PGLYRP3: variants seen among roughly 807,000 people sequenced by gnomAD.
The protein encoded by PGLYRP3 is peptidoglycan recognition protein I alpha.
Under a neutral mutation model 36.0 loss-of-function variants are expected in PGLYRP3, and 39 were observed. That is an observed-to-expected ratio of 1.08 (90% CI 0.84 to 1.41). The LOEUF is 1.41. Among genes scored for constraint, PGLYRP3 ranks in the 40% most tolerant of loss-of-function variants. The pLI is 0.00. For missense variants in PGLYRP3, 407 were observed against 427.9 expected (o/e 0.95, Z 0.43); for synonymous variants, 204 against 172.8 (o/e 1.18, Z -1.42).
In PGLYRP3 at chr1:153,302,534, G is replaced by C. The variant is rs768513662; in HGVS notation, c.603C>G (p.Ala201=). 2.0e-5 allele frequency: 32 copies of C among 1,614,194 alleles called. No homozygotes were observed. The South Asian group carries it at 3.4e-4, about 17-fold the overall frequency. The change falls in exon 6 of 8, where the codon GCC becomes GCG. Residue 201 remains alanine (A), a synonymous_variant. Transcript: ENST00000683862. ...ETHCPKMNLP[A]KYVIIIHTAG... ...CGGTGTGGATGATGATGACATATTT[G>C]GCTGGGAGGTTCATTTTAGGGCAGT...
rs1332738413 is a variant in PGLYRP3, at chr1:153,307,181, T to C, written c.142A>G (p.Ile48Val). Residue 48 changes from isoleucine to valine, a missense_variant, in exon 3 of 8, where the codon ATC becomes GTC. Ile to Val is a conservative substitution (Grantham distance 29). Transcript: ENST00000683862. The stretch of plus-strand genomic sequence containing the variant: ...TGCATCCCTGGGAGCTGGTCTGTGA[T>C]GATGTAGGCCACAGGCAGGGTCAGC... ...ALLTLPVAYIITDQLPGMQCQ... is the reference protein window; with the variant it reads ...ALLTLPVAYIVTDQLPGMQCQ... The C allele has an allele frequency of 6.2e-7, 1 of 1,612,232 alleles. No individual in the cohort carries two copies. The highest frequency in any genetic ancestry group is 8.5e-7 in the Non-Finnish European group (1 of 1,179,354).
rs373733234 is a variant in PGLYRP3 at position 153,304,929 on chromosome 1, G to A, written c.376+18C>T. On this transcript the variant is annotated intron_variant, in intron 4 of 7. Transcript: ENST00000683862. ...TACACAACTCTCCAGCACAGGGTCC[G>A]CAGGGAGTGACCCTTACCTATCTTA... 135 of 1,585,318 alleles carry A rather than the reference G, an allele frequency of 8.5e-5. 1 individual carries two copies. The African/African-American group carries it at 1.2e-3, about 14-fold the overall frequency.
At position 153,306,962 on chromosome 1, in the gene PGLYRP3, G is replaced by A. The variant is rs563347579; in HGVS notation, c.257+104C>T. The A allele has an allele frequency of 6.4e-5, 70 of 1,093,950 alleles. No individual in the cohort carries two copies. In the East Asian group the frequency reaches 1.1e-3, roughly 17 times the overall value. 67.8% of individuals were successfully genotyped at this position (1,093,950 alleles called of 1,614,324 possible). A position where few individuals can be genotyped will look rare whatever the true frequency, so the allele number is the denominator to read the frequency against. On this transcript the variant is annotated intron_variant, in intron 3 of 7. Coordinates refer to ENST00000683862, the MANE Select transcript of PGLYRP3 (RefSeq NM_052891.3). ...TTTACCATTTCTATTCATTACAAAA[G>A]CAATGTAAATGAAGCGCAGAAAATA...
Position 153,297,543 on chromosome 1 carries a change from G to A in PGLYRP3, c.*413C>T, listed in dbSNP as rs1395568309. Among the ~76,000 whole-genome samples the A allele has an allele frequency of 3.6e-4, 32 of 88,676 alleles. No individual in the cohort carries two copies. The highest frequency in any genetic ancestry group is 1.5e-3 in the African/African-American group (30 of 20,490). 58.2% of individuals were successfully genotyped at this position (88,676 alleles called of 152,430 possible). On this transcript the variant is annotated 3_prime_UTR_variant, in exon 8 of 8. Coordinates refer to ENST00000683862, the MANE Select transcript of PGLYRP3 (RefSeq NM_052891.3). ...GGAAGGAAGGAAGGAAGGAAGGAAG[G>A]AAGGAAGGAAAGAAAGAAAAAGAAA...
intron 6 of PGLYRP3, among the ~76,000 whole-genome samples, chr1:153,299,497 G>A (rs1659533219): frequency 1.3e-5 from 2 of 152,034 alleles, no homozygotes; most frequent in South Asian, 4.1e-4. Context: ...TAAGTACAAT[G>A]GACACTTACT....
At chr1:153,311,328 A>T (rs1453751820) in intron 1 of PGLYRP3, among the ~76,000 whole-genome samples, 1 of 152,176 alleles carries the variant, frequency 6.6e-6, no homozygotes, top group Non-Finnish European at 1.5e-5. Flanking sequence ...GACTCCATGG[A>T]TATTCACTAA....
chr1:153,310,550 C>T, intron 2 of PGLYRP3, 61 bp downstream of exon 2: 1 of 1,553,202 alleles, frequency 6.4e-7, no homozygotes, highest in Non-Finnish European at 8.9e-7. Flanking sequence ...TATTATTAAA[C>T]TTGAGAACGG....
intron 2 of PGLYRP3, among the ~76,000 whole-genome samples, chr1:153,307,484 G>C (rs566082661): frequency 1.6e-4 from 24 of 152,170 alleles, no homozygotes; most frequent in African/African-American, 5.8e-4. Context: ...AAGTCGTGCC[G>C]CCTTGTTCCC....
intron 6 of PGLYRP3, 61 bp from the exon 7 acceptor site, chr1:153,299,292 T>C (rs1659529252): frequency 9.3e-6 from 11 of 1,180,216 alleles, no homozygotes; most frequent in Non-Finnish European, 1.4e-5. Flanking sequence ...AAATACTTCA[T>C]TCACTCCTTC....
At chr1:153,298,573 G>T (rs1659505037) in intron 7 of PGLYRP3, among the ~76,000 whole-genome samples, 1 of 152,138 alleles carries the variant, frequency 6.6e-6, no homozygotes, top group Non-Finnish European at 1.5e-5. Context: ...AACCCGGGAA[G>T]TGGAGCTTGC....
At chr1:153,298,239 C>A in intron 7 of PGLYRP3, 105 bp from the exon 8 acceptor site, 1 of 1,252,830 alleles carries the variant, frequency 8.0e-7, no homozygotes, top group Non-Finnish European at 1.1e-6. Context: ...CACCACGCCC[C>A]ATTCCGCCAT....
intron 6 of PGLYRP3, 47 bp downstream of exon 6, chr1:153,302,362 A>G (rs1659617433): frequency 1.3e-6 from 2 of 1,593,976 alleles, no homozygotes; most frequent in Admixed American, 1.7e-5. Context: ...CTTCCTTCCT[A>G]CAATCCTGAA....
rs1659463955 is a variant in PGLYRP3, at chr1:153,297,554, A to AGG, written c.*401_*402insCC. The stretch of plus-strand genomic sequence containing the variant: ...AGGAAGGAAGGAAGGAAGGAAGGAA[A>AGG]GAAAGAAAAAGAAAGAAAGAAAGAA... On this transcript the variant is annotated 3_prime_UTR_variant, in exon 8 of 8. Coordinates refer to ENST00000683862, the MANE Select transcript of PGLYRP3 (RefSeq NM_052891.3). 1.9e-5 allele frequency among the ~76,000 whole-genome samples: 1 copy of AGG among 52,596 alleles called. No individual in the cohort carries two copies. The highest frequency in any genetic ancestry group is 7.3e-5 in the African/African-American group (1 of 13,636). 34.5% of individuals were successfully genotyped at this position (52,596 alleles called of 152,430 possible).
In PGLYRP3 at chr1:153,307,086, G is replaced by A; in HGVS notation, c.237C>T (p.Gly79=). The A allele has an allele frequency of 6.2e-7, 1 of 1,613,806 alleles. No homozygotes were observed. Among genetic ancestry groups the A allele is most frequent in the Non-Finnish European group, 8.5e-7 (1 of 1,179,892 alleles). ...GLQSHSVYTI[G]WCDVAYNFLV... Reference sequence around the variant, plus strand: ...CTTACTTGTACGCCACGTCGCACCAGCCTATGGTGTAGACGGAATGGGACT... The same window carrying A: ...CTTACTTGTACGCCACGTCGCACCAACCTATGGTGTAGACGGAATGGGACT... The change falls in exon 3 of 8, where the codon GGC becomes GGT. Residue 79 remains glycine, a synonymous_variant. Coordinates refer to ENST00000683862, the MANE Select transcript of PGLYRP3 (RefSeq NM_052891.3).
In PGLYRP3 at chr1:153,299,379, G is replaced by GAAAAC. The variant is rs979120389; in HGVS notation, c.729-153_729-149dup. ...TTATGTGCCAATGTGGACAAGGACAGAAAACAAAACAAAACAAAAAAATAC... is the reference window on the plus strand; with the variant it reads ...TTATGTGCCAATGTGGACAAGGACAGAAAACAAAACAAAACAAAACAAAAAAATAC... On this transcript the variant is annotated intron_variant, in intron 6 of 7. Transcript: ENST00000683862. The GAAAAC allele has an allele frequency of 9.1e-4, 621 of 682,370 alleles. 4 individuals are homozygous for GAAAAC. The highest frequency in any genetic ancestry group is 2.1e-4 in the Non-Finnish European group (86 of 400,612). The allele number at this position is 682,370 out of a possible 1,614,324, so 42.3% of individuals were successfully genotyped here. A position where few individuals can be genotyped will look rare whatever the true frequency, so the allele number is the denominator to read the frequency against.
intron 1 of PGLYRP3, 107 bp from the exon 2 acceptor site, chr1:153,310,813 T>C: frequency 1.4e-6 from 1 of 712,346 alleles, no homozygotes; most frequent in Non-Finnish European, 2.4e-6. Flanking sequence ...TGTGGCTTCC[T>C]GAGGGCCAGC....
Position 153,297,561 on chromosome 1 carries a change from AAAAG to A in PGLYRP3, c.*391_*394del, listed in dbSNP as rs1553193739. On this transcript the variant is annotated 3_prime_UTR_variant, in exon 8 of 8. Coordinates refer to ENST00000683862, the MANE Select transcript of PGLYRP3 (RefSeq NM_052891.3). ...AAGGAAGGAAGGAAGGAAAGAAAGA[AAAAG>A]AAAGAAAGAAAGAAAGAAGAAAGAA... 7.9e-4 allele frequency among the ~76,000 whole-genome samples: 63 copies of A among 79,400 alleles called. No individual in the cohort carries two copies. The highest frequency in any genetic ancestry group is 2.4e-3 in the South Asian group (7 of 2,926). 52.1% of individuals were successfully genotyped at this position (79,400 alleles called of 152,430 possible). A position where few individuals can be genotyped will look rare whatever the true frequency, so the allele number is the denominator to read the frequency against.
chr1:153,309,974 G>C (rs1371353154), intron 2 of PGLYRP3, among the ~76,000 whole-genome samples: 1 of 152,236 alleles, frequency 6.6e-6, no homozygotes, highest in Non-Finnish European at 1.5e-5. Flanking sequence ...AGAGGACAGA[G>C]AGAAAGCTAT....
chr1:153,310,016 T>C (rs1422871944), intron 2 of PGLYRP3, among the ~76,000 whole-genome samples: 2 of 152,232 alleles, frequency 1.3e-5, no homozygotes, highest in South Asian at 2.1e-4. Context: ...GGGGTCTGTG[T>C]ATGTAAAACA....
Sources: gnomAD v4.1 joint callset for allele counts (sites outside exome capture counted in the v4.1 genomes callset) on GRCh38, gnomAD v4.1.1 for gene constraint, MANE v1.5 for transcripts, NCBI Gene and HGNC (gene_info 2026-07-23, HGNC 2026-07-21) for gene names.